Variants in PCNT observed in about 807,000 individuals in gnomAD.
The protein encoded by PCNT is kendrin.
PCNT carries 319 observed loss-of-function variants against 380.4 expected under a neutral mutation model. That is an observed-to-expected ratio of 0.84 (90% confidence interval 0.77 to 0.92). The LOEUF is 0.92. PCNT is among the 40% of genes least tolerant of loss of function. The pLI is 0.00. For missense variants in PCNT, 4,400 were observed against 4,255.3 expected, an observed-to-expected ratio of 1.03 and a Z score of -0.95; for synonymous variants, 1,845 against 1,735.2, an observed-to-expected ratio of 1.06 and a Z score of -1.57.
At chr21:46,438,911 C>T (rs1022564303) in intron 41 of PCNT, among the ~76,000 whole-genome samples, 11 of 151,870 alleles carry the variant, frequency 7.2e-5, no homozygotes, top group Non-Finnish European at 1.3e-4. Flanking sequence ...GACGTGATTC[C>T]GCCCACCTCA....
At position 46,367,062 on chromosome 21, in the gene PCNT, G is replaced by C; in HGVS notation, c.3088G>C (p.Val1030Leu). 1 of 1,614,002 alleles carries C rather than the reference G, an allele frequency of 6.2e-7. No individual in the cohort carries two copies. Among genetic ancestry groups the C allele is most frequent in the Non-Finnish European group, 8.5e-7 (1 of 1,180,024 alleles). ...KRKHEGELQS[V>L]RDHLRTEVST... Reference sequence around the variant, plus strand: ...GAAACACGAAGGGGAGCTACAGTCTGTGCGGGACCACCTGCGAACCGAAGT... The same window carrying C: ...GAAACACGAAGGGGAGCTACAGTCTCTGCGGGACCACCTGCGAACCGAAGT... The change falls in exon 15 of 47, where the codon GTG becomes CTG. Residue 1030 changes from valine to leucine, a missense_variant. Coordinates refer to ENST00000359568, the MANE Select transcript of PCNT (RefSeq NM_006031.6).
rs2087479040 is a variant in PCNT, at chr21:46,425,986, TCA to T, written c.7320+21_7320+22del. On this transcript the variant is annotated intron_variant, in intron 33 of 46. Coordinates refer to ENST00000359568, the MANE Select transcript of PCNT (RefSeq NM_006031.6). The surrounding 1 kb of genome is among the most constrained non-coding windows in gnomAD (Gnocchi z 4.2). ...GAAAGACGCAGGTTTATTTTGCCCT[TCA>T]CACACTTCTTTTCCAAAGGATTTAA... The T allele has an allele frequency of 6.2e-7, 1 of 1,613,256 alleles. No homozygotes were observed. Among genetic ancestry groups the T allele is most frequent in the Middle Eastern group, 1.7e-4 (1 of 6,054 alleles).
chr21:46,394,118 C>T (rs998182651), intron 21 of PCNT, among the ~76,000 whole-genome samples: 1 of 152,206 alleles, frequency 6.6e-6, no homozygotes, highest in African/African-American at 2.4e-5. Context: ...CCTGGCTCTG[C>T]GGTTGTGTGA....
chr21:46,419,802 G>A (rs761605127), intron 31 of PCNT, among the ~76,000 whole-genome samples: 1 of 151,996 alleles, frequency 6.6e-6, no homozygotes, highest in East Asian at 1.9e-4. Context: ...GTGCAGTGGC[G>A]TAGTCTCGAC....
intron 25 of PCNT, among the ~76,000 whole-genome samples, chr21:46,400,155 A>G (rs111907928): frequency 1.2e-3 from 176 of 152,332 alleles, no homozygotes; most frequent in African/African-American, 3.5e-3. Context: ...AATTGTTTCA[A>G]TCTTTGAGCT....
chr21:46,433,391 C>T (rs569984648), intron 38 of PCNT, among the ~76,000 whole-genome samples: 1 of 152,222 alleles, frequency 6.6e-6, no homozygotes, highest in Admixed American at 6.5e-5. Context: ...CTCAAAAAAA[C>T]AAAAACACTC....
Position 46,436,161 on chromosome 21 carries a change from G to T in PCNT, c.8996+13G>T. The T allele has an allele frequency of 6.2e-7, 1 of 1,603,048 alleles. No homozygotes were observed. On this transcript the variant is annotated intron_variant, in intron 39 of 46. Transcript: ENST00000359568. ...AGGCCGTGGACAGGTGTGCACCCAC[G>T]CCACCTGGCGCTCACTGGTCCCTTG...
At chr21:46,422,505 C>T (rs920023730) in intron 32 of PCNT, among the ~76,000 whole-genome samples, 1 of 152,200 alleles carries the variant, frequency 6.6e-6, no homozygotes, top group African/African-American at 2.4e-5. Context: ...GCCGAGTTCT[C>T]TTCAGACGAT....
chr21:46,442,778 G>A lies in PCNT; in HGVS notation c.9700+205G>A. ...AGAGCTCATGTTAGCTATGAACACA[G>A]GTCACAGGGGCGTACGGCGATGGGA... is the stretch of plus-strand genomic sequence containing the variant. On this transcript the variant is annotated intron_variant, in intron 44 of 46. Coordinates refer to ENST00000359568, the MANE Select transcript of PCNT (RefSeq NM_006031.6). 3 of 616,514 alleles carry A rather than the reference G, an allele frequency of 4.9e-6. No homozygotes were observed. The South Asian group carries it at 5.7e-5, about 12-fold the overall frequency. 38.2% of individuals were successfully genotyped at this position (616,514 alleles called of 1,614,324 possible). A position where few individuals can be genotyped will look rare whatever the true frequency, so the allele number is the denominator to read the frequency against.
intron 2 of PCNT, among the ~76,000 whole-genome samples, chr21:46,328,249 G>GGT (rs2083449238): frequency 9.9e-6 from 1 of 100,970 alleles, no homozygotes. Context: ...TTGTTGGGTT[G>GGT]GTGTGTTTTT....
rs751846963 is a variant in PCNT, at chr21:46,391,268, C to T, written c.4108C>T (p.Arg1370Trp). Residue 1370 changes from arginine (R) to tryptophan (W), a missense_variant, in exon 21 of 47, where the codon CGG (arginine) becomes TGG (tryptophan). Physicochemically the swap from Arg to Trp is moderately radical, Grantham distance 101 (BLOSUM62 -3). Coordinates refer to ENST00000359568, the MANE Select transcript of PCNT (RefSeq NM_006031.6). The stretch of plus-strand genomic sequence containing the variant: ...GGTGCTGGAGCTGGAGAGCCTGAGA[C>T]GGCAGCTGCAGCAGGCGGCCCAGGA... The part of the protein sequence containing the change: ...RLVLELESLR[R>W]QLQQAAQEQA... The T allele has an allele frequency of 7.5e-6, 12 of 1,597,268 alleles. No individual in the cohort carries two copies. Among genetic ancestry groups the T allele is most frequent in the South Asian group, 4.5e-5 (4 of 87,990 alleles).
intron 15 of PCNT, among the ~76,000 whole-genome samples, chr21:46,372,987 C>T (rs2085203042): frequency 1.3e-5 from 2 of 152,178 alleles, no homozygotes; most frequent in African/African-American, 2.4e-5. Flanking sequence ...TCACCTGTGT[C>T]CTTTAACCTG....
rs529477633 is a variant in PCNT at position 46,357,370 on chromosome 21, G to C, written c.2154+179G>C. ...GAAACTATTCCTGGCAATGCCAGTA[G>C]TGGGTGGCGGTTGGATAGAATCTTG... On this transcript the variant is annotated intron_variant, in intron 13 of 46. Coordinates refer to ENST00000359568, the MANE Select transcript of PCNT (RefSeq NM_006031.6). Among the ~76,000 whole-genome samples, 5 of 152,378 alleles carry C rather than the reference G, an allele frequency of 3.3e-5. No homozygotes were observed. The South Asian group carries it at 1.0e-3, about 32-fold the overall frequency.
At chr21:46,389,170 G>T (rs746165284) in intron 18 of PCNT, 29 bp from the exon 19 acceptor site, 1 of 1,600,566 alleles carries the variant, frequency 6.2e-7, no homozygotes, top group African/African-American at 1.3e-5. Flanking sequence ...TCACTGAGCC[G>T]CGTGTGCCGG....
In PCNT at chr21:46,418,408, C is replaced by T. The variant is rs546337623; in HGVS notation, c.7024+102C>T. The T allele has an allele frequency of 3.9e-5, 30 of 765,924 alleles. No homozygotes were observed. The African/African-American group carries it at 5.0e-4, about 13-fold the overall frequency. The allele number at this position is 765,924 out of a possible 1,614,324, so 47.4% of individuals were successfully genotyped here. A position where few individuals can be genotyped will look rare whatever the true frequency, so the allele number is the denominator to read the frequency against. ...ATCCTTTGCCTGGTTCTGCGTCTGC[C>T]CCCCGCTGACCTCCACCCCGGCTCT... On this transcript the variant is annotated intron_variant, in intron 31 of 46. Coordinates refer to ENST00000359568, the MANE Select transcript of PCNT (RefSeq NM_006031.6).
chr21:46,423,671 C>T (rs953898056), intron 32 of PCNT, among the ~76,000 whole-genome samples: 27 of 95,798 alleles, frequency 2.8e-4, no homozygotes, highest in Non-Finnish European at 5.2e-4. Context: ...CTCCTGTAGC[C>T]CTTGAGGCAG....
intron 29 of PCNT, among the ~76,000 whole-genome samples, chr21:46,414,849 G>C (rs959934253): frequency 1.4e-5 from 2 of 139,810 alleles, no homozygotes; most frequent in Non-Finnish European, 3.0e-5. Context: ...TGGACACACA[G>C]ACACCTACCC....
At chr21:46,352,101 C>A (rs1317222346) in intron 9 of PCNT, among the ~76,000 whole-genome samples, 1 of 152,246 alleles carries the variant, frequency 6.6e-6, no homozygotes, top group Non-Finnish European at 1.5e-5. Context: ...CAGGGGCTGG[C>A]CAAGCCCAAT....
rs761158530 is a variant in PCNT, at chr21:46,324,190, C to G, written c.-39C>G. On this transcript the variant is annotated 5_prime_UTR_variant, in exon 1 of 47. Coordinates refer to ENST00000359568, the MANE Select transcript of PCNT (RefSeq NM_006031.6). ...AGAGCGAAGGCTGCTCTGTGTCAGC[C>G]CCGTCACCGCCGGGCGGCCCGCGCG... 6.3e-7 allele frequency: 1 copy of G among 1,579,764 alleles called. No homozygotes were observed. Among genetic ancestry groups the G allele is most frequent in the African/African-American group, 1.3e-5 (1 of 74,420 alleles).
Sources: gnomAD v4.1 joint callset for allele counts (sites outside exome capture counted in the v4.1 genomes callset) on GRCh38, gnomAD v4.1.1 for gene constraint, Gnocchi (gnomAD v3.1) non-coding constraint, MANE v1.5 for transcripts, NCBI Gene and HGNC (gene_info 2026-07-23, HGNC 2026-07-21) for gene names.